SPAG16: variants seen among roughly 807,000 people sequenced by gnomAD.
The protein encoded by SPAG16 is sperm associated antigen 16, also known as sperm-associated antigen 16 protein.
SPAG16 carries 86 observed loss-of-function variants against 80.4 expected under a neutral mutation model. The observed-to-expected ratio is 1.07, with a 90% confidence interval of 0.90 to 1.28. SPAG16 has a LOEUF of 1.28. Ranked by LOEUF, SPAG16 falls within the 50% of genes most tolerant of loss-of-function variation. The pLI is 0.00. For synonymous variants in SPAG16, 294 were observed against 265.9 expected (o/e 1.11, Z -1.03); for missense variants, 870 against 765.3 (o/e 1.14, Z -1.61).
intron 13 of SPAG16, among the ~76,000 whole-genome samples, chr2:214,106,488 G>T (rs1218754716): frequency 1.3e-5 from 2 of 152,140 alleles, no homozygotes; most frequent in African/African-American, 4.8e-5. Flanking sequence ...TTTGCACTCT[G>T]TGAACAAAGA....
chr2:213,382,325 A>C (rs539413452), intron 9 of SPAG16, among the ~76,000 whole-genome samples: 1 of 152,346 alleles, frequency 6.6e-6, no homozygotes, highest in East Asian at 1.9e-4. Flanking sequence ...GCTTGGTGTT[A>C]TAAGTCCTCA....
chr2:214,289,011 A>G (rs12694322), intron 15 of SPAG16, among the ~76,000 whole-genome samples: 152,168 of 152,190 alleles, frequency 1, 76,073 homozygotes, highest in East Asian at 1. Context: ...CTCGTGATCC[A>G]CCTGCTTTGG....
rs188615297 is a variant in SPAG16, at chr2:213,391,566, G to C, written c.942+16447G>C. 5.2e-4 allele frequency among the ~76,000 whole-genome samples: 79 copies of C among 152,044 alleles called. No individual in the cohort carries two copies. The East Asian group carries it at 0.015, about 29-fold the overall frequency. On this transcript the variant is annotated intron_variant, in intron 9 of 15. Coordinates refer to ENST00000331683, the MANE Select transcript of SPAG16 (RefSeq NM_024532.5). The stretch of plus-strand genomic sequence containing the variant: ...GGGAAGAATACCATGTTTATCAAAG[G>C]GTTTTTTGTTAGTATTCAATGAAAT...
At chr2:213,555,586 A>G (rs1187555064) in intron 10 of SPAG16, among the ~76,000 whole-genome samples, 2 of 152,206 alleles carry the variant, frequency 1.3e-5, no homozygotes, top group Non-Finnish European at 2.9e-5. Flanking sequence ...ATTTCTTCAT[A>G]TCAGTGTAAG....
At chr2:214,008,291 C>A (rs539600348) in intron 12 of SPAG16, among the ~76,000 whole-genome samples, 2 of 151,796 alleles carry the variant, frequency 1.3e-5, no homozygotes, top group South Asian at 4.1e-4. Context: ...TTCTTTAAAT[C>A]TTTGAACATA....
chr2:213,350,498 T>C, intron 6 of SPAG16, 30 bp from the exon 7 acceptor site: 4 of 1,263,622 alleles, frequency 3.2e-6, no homozygotes, highest in Middle Eastern at 1.9e-4. Context: ...CAATAACCCC[T>C]TAAGATGCTA....
intron 13 of SPAG16, among the ~76,000 whole-genome samples, chr2:214,070,776 T>G (rs2050750440): frequency 1.3e-5 from 2 of 152,092 alleles, no homozygotes; most frequent in African/African-American, 4.8e-5. Context: ...GGTTATGGTT[T>G]TATTATATTA....
At chr2:214,085,390 A>AAGAAAG (rs766851767) in intron 13 of SPAG16, among the ~76,000 whole-genome samples, 28 of 150,134 alleles carry the variant, frequency 1.9e-4, no homozygotes, top group African/African-American at 6.4e-4. Context: ...AAAAAAAAAA[A>AAGAAAG]AAAGAAAGAA....
chr2:213,875,586 A>T (rs1423364158), intron 11 of SPAG16, among the ~76,000 whole-genome samples: 1 of 152,196 alleles, frequency 6.6e-6, no homozygotes, highest in African/African-American at 2.4e-5. Flanking sequence ...ATTTAAAAAT[A>T]AAACTTTAAT....
At chr2:213,317,057 T>C (rs1294864053) in intron 4 of SPAG16, among the ~76,000 whole-genome samples, 162 bp from the exon 5 acceptor site, 1 of 152,082 alleles carries the variant, frequency 6.6e-6, no homozygotes, top group Non-Finnish European at 1.5e-5. Flanking sequence ...TCATATTTTA[T>C]TCTAAAATAT....
chr2:213,428,358 A>G (rs775807911), intron 9 of SPAG16, among the ~76,000 whole-genome samples: 1 of 152,152 alleles, frequency 6.6e-6, no homozygotes, highest in South Asian at 2.1e-4. Flanking sequence ...AGGCTAAAAC[A>G]CTATGAGAAG....
chr2:213,592,383 A>G (rs929946909), intron 10 of SPAG16, among the ~76,000 whole-genome samples: 2 of 152,220 alleles, frequency 1.3e-5, no homozygotes, highest in Non-Finnish European at 1.5e-5. Flanking sequence ...AATTAAATAA[A>G]GGGTTTGTAA....
chr2:214,087,940 T>A (rs756047415), intron 13 of SPAG16, among the ~76,000 whole-genome samples: 5 of 151,592 alleles, frequency 3.3e-5, no homozygotes, highest in Non-Finnish European at 7.4e-5. Context: ...GAAAAATAAA[T>A]TAAAAAATAA....
intron 10 of SPAG16, among the ~76,000 whole-genome samples, chr2:213,856,908 T>C (rs1460887807): frequency 6.6e-6 from 1 of 152,134 alleles, no homozygotes; most frequent in Non-Finnish European, 1.5e-5. Flanking sequence ...AAGACATAGC[T>C]AAGATAATGA....
At chr2:213,506,622 C>T (rs190890471) in intron 10 of SPAG16, among the ~76,000 whole-genome samples, 127 of 152,238 alleles carry the variant, frequency 8.3e-4, no homozygotes, top group East Asian at 3.7e-3. Context: ...GATTTCCTGA[C>T]GGCCATTTTG....
At chr2:213,354,389 T>A (rs1364865342) in intron 7 of SPAG16, among the ~76,000 whole-genome samples, 1 of 152,234 alleles carries the variant, frequency 6.6e-6, no homozygotes, top group Non-Finnish European at 1.5e-5. Flanking sequence ...TATAATAATT[T>A]GGGTATATAC....
chr2:213,752,899 T>C (rs1280980391), intron 10 of SPAG16, among the ~76,000 whole-genome samples: 1 of 152,236 alleles, frequency 6.6e-6, no homozygotes, highest in African/African-American at 2.4e-5. Flanking sequence ...GAATAAAAGC[T>C]TACAAACCAT....
intron 10 of SPAG16, among the ~76,000 whole-genome samples, chr2:213,642,951 T>C (rs1018701158): frequency 6.6e-6 from 1 of 151,556 alleles, no homozygotes; most frequent in Non-Finnish European, 1.5e-5. Context: ...GAACTCAGAC[T>C]GGCTTTCCTT....
intron 11 of SPAG16, among the ~76,000 whole-genome samples, chr2:213,905,807 C>G (rs949390990): frequency 1.2e-4 from 19 of 152,178 alleles, no homozygotes; most frequent in South Asian, 4.2e-4. Flanking sequence ...GATGCCCACC[C>G]TCCAAGATAA....
Sources: allele counts gnomAD v4.1 joint callset (sites outside exome capture counted in the v4.1 genomes callset), GRCh38; gene constraint gnomAD v4.1.1; transcripts MANE v1.5; gene names NCBI Gene and HGNC (gene_info 2026-07-23, HGNC 2026-07-21).